The following MROH9 variants were observed in gnomAD, a reference collection of about 807,000 sequenced individuals.
The protein encoded by MROH9 is maestro heat-like repeat-containing protein family member 9.
A neutral mutation model predicts 98.2 loss-of-function variants in MROH9; 92 were observed. The ratio of observed to expected loss-of-function variants is 0.94; its 90% CI spans 0.79 to 1.11. The LOEUF is 1.11. MROH9 is among the 50% of genes most tolerant of loss of function. The pLI is 0.00. For synonymous variants in MROH9, 397 were observed against 368.9 expected, an observed-to-expected ratio of 1.08 and a Z score of -0.87; for missense variants, 1,057 against 1,014.8, an observed-to-expected ratio of 1.04 and a Z score of -0.57.
At chr1:170,974,084 C>A (rs1247800512) in intron 8 of MROH9, among the ~76,000 whole-genome samples, 2 of 152,046 alleles carry the variant, frequency 1.3e-5, no homozygotes, top group African/African-American at 4.8e-5. Context: ...GATTAATGAG[C>A]TTGCAGACAT....
chr1:170,998,141 T>C lies in MROH9; in HGVS notation c.1476-13T>C, dbSNP rs749312819. 8.2e-6 allele frequency: 13 copies of C among 1,584,784 alleles called. No homozygotes were observed. The highest frequency in any genetic ancestry group is 2.7e-5 in the African/African-American group (2 of 73,378). On this transcript the variant is annotated splice_polypyrimidine_tract_variant and intron_variant, in intron 14 of 21. Transcript: ENST00000367759. ...TCTCCTTTGCTAATTCAGTGCCTTA[T>C]TCTCTTTTACAGAACTCTCAGTGAA... is the stretch of plus-strand genomic sequence containing the variant.
intron 6 of MROH9, among the ~76,000 whole-genome samples, chr1:170,963,425 T>A (rs1650103772): frequency 6.6e-6 from 1 of 152,152 alleles, no homozygotes; most frequent in Non-Finnish European, 1.5e-5. Flanking sequence ...GCATGGTGAT[T>A]CCTCGAAGAC....
At chr1:171,006,753 C>T (rs2101825074) in intron 15 of MROH9, among the ~76,000 whole-genome samples, 1 of 149,174 alleles carries the variant, frequency 6.7e-6, no homozygotes, top group African/African-American at 2.5e-5. Context: ...CAAGTCTGCT[C>T]TCAAAAGTCT....
chr1:171,019,825 C>A (rs1652453658), intron 17 of MROH9, among the ~76,000 whole-genome samples: 2 of 151,846 alleles, frequency 1.3e-5, no homozygotes, highest in Admixed American at 1.3e-4. Flanking sequence ...TCAACAAATC[C>A]AAGAGCTGGT....
At chr1:171,030,551 G>A (rs1652872925) in intron 20 of MROH9, among the ~76,000 whole-genome samples, 1 of 152,176 alleles carries the variant, frequency 6.6e-6, no homozygotes, top group Non-Finnish European at 1.5e-5. Flanking sequence ...TTACCCAGGA[G>A]TCATTCAGGA....
At chr1:171,042,035 G>A (rs1253879233) in intron 20 of MROH9, among the ~76,000 whole-genome samples, 1 of 151,710 alleles carries the variant, frequency 6.6e-6, no homozygotes, top group Non-Finnish European at 1.5e-5. Context: ...TGTTATTATT[G>A]GCTACAGTCA....
Position 171,024,718 on chromosome 1 carries a change from G to A in MROH9, c.2131G>A (p.Glu711Lys). 5.8e-6 allele frequency: 9 copies of A among 1,551,116 alleles called. 1 individual carries two copies. The Middle Eastern group carries it at 1.3e-3, about 231-fold the overall frequency. Residue 711 changes from glutamate to lysine, a missense_variant, in exon 19 of 22, where the codon GAA becomes AAA. Physicochemically the swap from Glu to Lys is moderately conservative, Grantham distance 56. Coordinates refer to ENST00000367759, the MANE Select transcript of MROH9 (RefSeq NM_001163629.2). ...KWSTSRLLKD[E>K]NYSFEMVVLN... ...GTCAACATCACGTTTGCTCAAAGAT[G>A]AAAATTACAGTTTTGAGATGGTGGT...
chr1:170,947,554 G>A lies in MROH9; in HGVS notation c.53G>A (p.Ser18Asn). 1 of 1,610,920 alleles carries A rather than the reference G, an allele frequency of 6.2e-7. No homozygotes were observed. ...TKSSLQILQD[S>N]VKWHHMAHKV... ...AGTAGTCTCCAGATTCTGCAAGACA[G>A]TGTGAAATGGCACCACATGGTAAGT... is the stretch of plus-strand genomic sequence containing the variant. The change falls in exon 3 of 22, where the codon AGT (serine) becomes AAT (asparagine). Residue 18 changes from serine (S) to asparagine (N), a missense_variant. Transcript: ENST00000367759.
chr1:170,954,555 A>ATTT (rs770672908), intron 3 of MROH9, among the ~76,000 whole-genome samples: 1 of 151,914 alleles, frequency 6.6e-6, no homozygotes, highest in Admixed American at 6.6e-5. Flanking sequence ...TCCATTTTTA[A>ATTT]TTTTTTAGAA....
intron 20 of MROH9, among the ~76,000 whole-genome samples, chr1:171,036,502 G>A (rs1357034808): frequency 6.6e-6 from 1 of 152,014 alleles, no homozygotes; most frequent in Non-Finnish European, 1.5e-5. Context: ...ATAAGCTAAA[G>A]TTGAGCATAA....
intron 20 of MROH9, among the ~76,000 whole-genome samples, chr1:171,041,347 ATGTG>A (rs377650131): frequency 0.043 from 3,501 of 80,576 alleles, 184 homozygotes; most frequent in African/African-American, 0.13. Flanking sequence ...GTATTCCATG[ATGTG>A]TGTGTGTGTG....
rs551162664 is a variant in MROH9 at position 171,006,204 on chromosome 1, C to T, written c.1597-7913C>T. Among the ~76,000 whole-genome samples, 210 of 150,392 alleles carry T rather than the reference C, an allele frequency of 1.4e-3. 1 individual carries two copies. The highest frequency in any genetic ancestry group is 1.4e-3 in the Non-Finnish European group (94 of 67,612). Reference sequence around the variant, plus strand: ...GGACAGCTTTGTCAGGTATAGTATTCTTGGTTGTCAGGTTTTTTTTCTTTC... The same window carrying T: ...GGACAGCTTTGTCAGGTATAGTATTTTTGGTTGTCAGGTTTTTTTTCTTTC... On this transcript the variant is annotated intron_variant, in intron 15 of 21. Transcript: ENST00000367759.
At chr1:171,017,660 G>A (rs1652373083) in intron 17 of MROH9, among the ~76,000 whole-genome samples, 1 of 152,020 alleles carries the variant, frequency 6.6e-6, no homozygotes, top group South Asian at 2.1e-4. Context: ...CCCCATGGTG[G>A]GGGTAGGGCA....
At position 171,064,193 on chromosome 1, in the gene MROH9, C is replaced by T. The variant is rs894042249; in HGVS notation, c.2439C>T (p.Thr813=). 1 of 1,551,364 alleles carries T rather than the reference C, an allele frequency of 6.4e-7. No individual in the cohort carries two copies. The highest frequency in any genetic ancestry group is 1.4e-5 in the African/African-American group (1 of 73,060). The change falls in exon 22 of 22, where the codon ACC becomes ACT. Residue 813 remains threonine, a synonymous_variant. Coordinates refer to ENST00000367759, the MANE Select transcript of MROH9 (RefSeq NM_001163629.2). ...TTAAGAAAAAAGCCCATAAACTGAC[C>T]TCTGCACCTCTTAAACAAAACTTCC... The part of the protein sequence containing the change: ...DIFKKKAHKL[T]SAPLKQNFQK...
At position 171,058,070 on chromosome 1, in the gene MROH9, C is replaced by A. The variant is rs58186758; in HGVS notation, c.2282-4062C>A. ...AAAGTGTCTCTGTTTGCAGATGACA[C>A]GGTTTTATATTTAGAAAGCAACATC... On this transcript the variant is annotated intron_variant, in intron 20 of 21. Transcript: ENST00000367759. Among the ~76,000 whole-genome samples the A allele has an allele frequency of 3.4e-3, 512 of 152,182 alleles. 5 individuals are homozygous for A. The highest frequency in any genetic ancestry group is 0.011 in the African/African-American group (464 of 41,508).
At chr1:170,995,602 G>T in intron 13 of MROH9, 71 bp downstream of exon 13, 2 of 1,522,316 alleles carry the variant, frequency 1.3e-6, no homozygotes, top group Non-Finnish European at 1.8e-6. Flanking sequence ...CTACCCTCTT[G>T]GGTTCATATG....
intron 7 of MROH9, among the ~76,000 whole-genome samples, chr1:170,969,513 G>A (rs1228550187): frequency 1.3e-5 from 2 of 152,156 alleles, no homozygotes; most frequent in East Asian, 1.9e-4. Context: ...AGAGAATTGT[G>A]GCGAAGTGGA....
chr1:171,032,438 C>G (rs990529044), intron 20 of MROH9, among the ~76,000 whole-genome samples: 4 of 152,160 alleles, frequency 2.6e-5, no homozygotes, highest in Non-Finnish European at 1.5e-5. Flanking sequence ...CTTTGAGGCT[C>G]TGACCCTTGG....
chr1:170,947,393 A>AGT (rs796843714), intron 2 of MROH9, 134 bp from the exon 3 acceptor site: 33 of 668,022 alleles, frequency 4.9e-5, no homozygotes, highest in Middle Eastern at 2.5e-4. Flanking sequence ...CTATAGTTTT[A>AGT]GTGTGTGTGT....
Sources: gnomAD v4.1 joint callset for allele counts (sites outside exome capture counted in the v4.1 genomes callset) on GRCh38, gnomAD v4.1.1 for gene constraint, MANE v1.5 for transcripts, NCBI Gene and HGNC (gene_info 2026-07-23, HGNC 2026-07-21) for gene names.